CFAP77: variants seen among roughly 807,000 people sequenced by gnomAD.
CFAP77 encodes cilia- and flagella-associated protein 77.
In CFAP77, 25 loss-of-function variants were observed where a neutral mutation model predicts 31.1. The observed-to-expected ratio is 0.80, with a 90% CI of 0.59 to 1.12. The LOEUF is 1.12. CFAP77 is among the 50% of genes most tolerant of loss of function. The probability of loss-of-function intolerance (pLI) is 0.00; values close to 1 mark genes in which losing one functional copy is unlikely to be tolerated. For missense variants in CFAP77, 377 were observed against 397.3 expected, an observed-to-expected ratio of 0.95 and a Z score of 0.44; for synonymous variants, 151 against 159.9, an observed-to-expected ratio of 0.94 and a Z score of 0.42.
intron 5 of CFAP77, among the ~76,000 whole-genome samples, chr9:132,547,560 C>T (rs1277985632): frequency 6.6e-6 from 1 of 152,210 alleles, no homozygotes; most frequent in South Asian, 2.1e-4. Context: ...AGGCCAGACT[C>T]GGGTGTGACT....
At chr9:132,431,447 G>T (rs1850410474) in intron 1 of CFAP77, among the ~76,000 whole-genome samples, 1 of 152,138 alleles carries the variant, frequency 6.6e-6, no homozygotes, top group South Asian at 2.1e-4. Context: ...TCCAGATTTA[G>T]AATCAGCAAT....
intron 1 of CFAP77, among the ~76,000 whole-genome samples, chr9:132,421,234 C>T (rs1031586373): frequency 2.1e-4 from 32 of 152,068 alleles, no homozygotes; most frequent in Admixed American, 1.2e-3. Context: ...TTAGGTGATC[C>T]GCCCGGCTTG....
At chr9:132,438,099 G>C (rs1850542075) in intron 1 of CFAP77, among the ~76,000 whole-genome samples, 1 of 150,920 alleles carries the variant, frequency 6.6e-6, no homozygotes, top group African/African-American at 2.4e-5. Flanking sequence ...CTACTCAGGA[G>C]GCTGAGGCAG....
intron 5 of CFAP77, among the ~76,000 whole-genome samples, chr9:132,556,481 T>C (rs1292269503): frequency 1.3e-5 from 2 of 152,288 alleles, no homozygotes; most frequent in East Asian, 3.9e-4. Flanking sequence ...GCGGCCTCAC[T>C]GTCTTTGTGA....
chr9:132,524,642 A>ATATTTATT (rs535842037), intron 3 of CFAP77, among the ~76,000 whole-genome samples: 19 of 151,394 alleles, frequency 1.3e-4, no homozygotes, highest in Non-Finnish European at 2.2e-4. Context: ...GACACGTGCC[A>ATATTTATT]TATTTATTTA....
chr9:132,506,319 A>C (rs575620470), intron 3 of CFAP77, among the ~76,000 whole-genome samples: 7 of 152,354 alleles, frequency 4.6e-5, no homozygotes, highest in African/African-American at 1.7e-4. Context: ...ATATGTAACT[A>C]TTAAAGACAC....
chr9:132,482,911 C>G (rs1019613085), intron 1 of CFAP77, among the ~76,000 whole-genome samples: 2 of 149,414 alleles, frequency 1.3e-5, no homozygotes, highest in African/African-American at 4.9e-5. Context: ...ATGTAACTAA[C>G]CTGCACATTG....
chr9:132,524,808 C>T (rs988329217), intron 3 of CFAP77, among the ~76,000 whole-genome samples: 1 of 148,640 alleles, frequency 6.7e-6, no homozygotes, highest in African/African-American at 2.4e-5. Context: ...GCCACCACGC[C>T]CAGCTAATTT....
At chr9:132,440,729 G>T (rs1850601613) in intron 1 of CFAP77, among the ~76,000 whole-genome samples, 2 of 152,150 alleles carry the variant, frequency 1.3e-5, no homozygotes, top group Non-Finnish European at 2.9e-5. Context: ...CCCTGGGAGG[G>T]CCATCATTAT....
intron 3 of CFAP77, among the ~76,000 whole-genome samples, chr9:132,519,439 GATGC>G: frequency 8.0e-6 from 1 of 125,652 alleles, no homozygotes; most frequent in Non-Finnish European, 1.7e-5. Context: ...TGGGTGGGTG[GATGC>G]ATGGATGGAT....
chr9:132,524,935 A>T (rs1852331220), intron 3 of CFAP77, among the ~76,000 whole-genome samples: 2 of 149,208 alleles, frequency 1.3e-5, no homozygotes, highest in Non-Finnish European at 3.0e-5. Context: ...GGCGTGAGCC[A>T]CTGTACCCGG....
Position 132,410,474 on chromosome 9 carries a change from C to A in CFAP77, c.195+8C>A. 6.4e-7 allele frequency: 1 copy of A among 1,551,270 alleles called. No homozygotes were observed. Among genetic ancestry groups the A allele is most frequent in the Non-Finnish European group, 8.7e-7 (1 of 1,155,526 alleles). Reference sequence around the variant, plus strand: ...AACCCTCTCATCGTCAAGGTGAGCACCCCACGCCCACCGCGCTTTCGCTGT... The same window carrying A: ...AACCCTCTCATCGTCAAGGTGAGCAACCCACGCCCACCGCGCTTTCGCTGT... On this transcript the variant is annotated splice_region_variant and intron_variant, in intron 1 of 5. Transcript: ENST00000393216.
chr9:132,544,092 C>T (rs1294991630), intron 5 of CFAP77, among the ~76,000 whole-genome samples: 5 of 152,226 alleles, frequency 3.3e-5, no homozygotes, highest in African/African-American at 4.8e-5. Flanking sequence ...ATGAAGGGAC[C>T]GGTGCCTTTC....
rs75158781 is a variant in CFAP77 at position 132,513,718 on chromosome 9, G to A, written c.524+14118G>A. On this transcript the variant is annotated intron_variant, in intron 3 of 5. Coordinates refer to ENST00000393216, the MANE Select transcript of CFAP77 (RefSeq NM_001282957.2). ...GTCCCCCCATGACAAGGCCCCCACCGGCACCCTGGCACACCTGGTGCCCCT... is the reference window on the plus strand; with the variant it reads ...GTCCCCCCATGACAAGGCCCCCACCAGCACCCTGGCACACCTGGTGCCCCT... 8.0e-3 allele frequency among the ~76,000 whole-genome samples: 1,219 copies of A among 152,118 alleles called. 18 individuals carry two copies. The highest frequency in any genetic ancestry group is 0.028 in the African/African-American group (1,167 of 41,484).
chr9:132,439,821 C>G (rs1169011460), intron 1 of CFAP77, among the ~76,000 whole-genome samples: 2 of 148,742 alleles, frequency 1.3e-5, no homozygotes. Flanking sequence ...TGCACTCCAG[C>G]CTGGGAGACA....
chr9:132,563,910 C>T (rs575335303), intron 5 of CFAP77, among the ~76,000 whole-genome samples: 2 of 152,322 alleles, frequency 1.3e-5, no homozygotes, highest in Non-Finnish European at 1.5e-5. Context: ...TGGAAACCAC[C>T]TGTTCCTTTC....
chr9:132,540,639 G>C (rs151074858), intron 4 of CFAP77, among the ~76,000 whole-genome samples: 1 of 152,204 alleles, frequency 6.6e-6, no homozygotes, highest in Non-Finnish European at 1.5e-5. Context: ...ATGGTTAAAC[G>C]CATATATTTT....
At chr9:132,450,546 C>T (rs901253339) in intron 1 of CFAP77, among the ~76,000 whole-genome samples, 23 of 152,164 alleles carry the variant, frequency 1.5e-4, no homozygotes, top group African/African-American at 5.3e-4. Flanking sequence ...TCCCTTTTCA[C>T]GGATGAGGAA....
intron 1 of CFAP77, among the ~76,000 whole-genome samples, chr9:132,491,947 T>C (rs1851659997): frequency 6.6e-6 from 1 of 152,216 alleles, no homozygotes; most frequent in Non-Finnish European, 1.5e-5. Flanking sequence ...TACTGTTATG[T>C]TTTCTGAAGT....
Sources: allele counts gnomAD v4.1 joint callset (sites outside exome capture counted in the v4.1 genomes callset), GRCh38; gene constraint gnomAD v4.1.1; transcripts MANE v1.5; gene names NCBI Gene and HGNC (gene_info 2026-07-23, HGNC 2026-07-21).